Variants in STAT2 observed in about 807,000 individuals in gnomAD.
STAT2 encodes the protein signal transducer and activator of transcription 2, also known as interferon alpha induced transcriptional activator.
A neutral mutation model predicts 122.3 loss-of-function variants in STAT2; 51 were observed. That is an observed-to-expected ratio of 0.42 (90% CI 0.33 to 0.53). The LOEUF is 0.53. STAT2 is among the 20% of genes least tolerant of loss of function. The pLI is 0.10. For synonymous variants in STAT2, 351 were observed against 394.9 expected (o/e 0.89, Z 1.32); for missense variants, 736 against 1,010.3 (o/e 0.73, Z 3.68).
At chr12:56,343,656 A>G (rs1360201159) in intron 23 of STAT2, 125 bp from the exon 24 acceptor site, 2 of 1,520,176 alleles carry the variant, frequency 1.3e-6, no homozygotes, top group Non-Finnish European at 1.8e-6. Flanking sequence ...TGTGGGATGA[A>G]AGAGCAGGGA....
intron 10 of STAT2, 24 bp downstream of exon 10, chr12:56,351,074 G>A (rs764207224): frequency 9.9e-6 from 16 of 1,609,378 alleles, no homozygotes; most frequent in Non-Finnish European, 1.1e-5. Context: ...AAAAGGAAGT[G>A]GGAATGAGTT....
chr12:56,342,070 A>T lies in STAT2; in HGVS notation c.*1319T>A, dbSNP rs1046178764. The stretch of plus-strand genomic sequence containing the variant: ...CCAGCACTCTGGGAGGCCGAGGTGG[A>T]CAGATCACTTGAGGTCAGGAGTTCG... On this transcript the variant is annotated 3_prime_UTR_variant, in exon 24 of 24. Transcript: ENST00000314128. The T allele has an allele frequency of 6.7e-6, 1 of 149,602 alleles. No individual in the cohort carries two copies. The highest frequency in any genetic ancestry group is 1.5e-5 in the Non-Finnish European group (1 of 67,338). The allele number at this position is 149,602 out of a possible 1,614,324, so 9.3% of individuals were successfully genotyped here. A position where few individuals can be genotyped will look rare whatever the true frequency, so the allele number is the denominator to read the frequency against.
intron 23 of STAT2, 35 bp from the exon 24 acceptor site, chr12:56,343,566 C>T (rs761082149): frequency 6.2e-7 from 1 of 1,603,804 alleles, no homozygotes; most frequent in Non-Finnish European, 8.5e-7. Flanking sequence ...AGGCCCCGAT[C>T]TTAGTTAGGA....
chr12:56,356,605 A>G (rs368506303), intron 1 of STAT2, 27 bp from the exon 2 acceptor site: 151 of 1,611,102 alleles, frequency 9.4e-5, no homozygotes, highest in Middle Eastern at 1.6e-4. Flanking sequence ...AGGGTTCCCA[A>G]TTGGATATTT....
chr12:56,353,266 G>T (rs1482479754), intron 8 of STAT2, among the ~76,000 whole-genome samples: 1 of 152,174 alleles, frequency 6.6e-6, no homozygotes, highest in Non-Finnish European at 1.5e-5. Flanking sequence ...ACATGTGTGA[G>T]CCACTGTGTC....
chr12:56,350,065 T>C (rs767751995), intron 13 of STAT2, 32 bp downstream of exon 13: 14 of 1,554,496 alleles, frequency 9.0e-6, no homozygotes, highest in Middle Eastern at 1.7e-4. Flanking sequence ...ATAAAAATAG[T>C]AATAAAAGCA....
intron 4 of STAT2, 51 bp from the exon 5 acceptor site, chr12:56,355,583 A>C: frequency 6.2e-7 from 1 of 1,609,602 alleles, no homozygotes; most frequent in Non-Finnish European, 8.5e-7. Context: ...TCATGCCTTA[A>C]GTTCAGGCCT....
At chr12:56,348,683 G>A (rs1695717255) in intron 18 of STAT2, 60 bp from the exon 19 acceptor site, 1 of 1,614,098 alleles carries the variant, frequency 6.2e-7, no homozygotes, top group Non-Finnish European at 8.5e-7. Flanking sequence ...TAGGGAAGGA[G>A]GGACGTGGGA....
chr12:56,356,631 T>C lies in STAT2; in HGVS notation c.-7-53A>G. ...TTGGATATTTTGCTGGACTAAATCA[T>C]CCATAGTTTCATGATTGTTCATTAT... On this transcript the variant is annotated intron_variant, in intron 1 of 23. Coordinates refer to ENST00000314128, the MANE Select transcript of STAT2 (RefSeq NM_005419.4). 3.8e-6 allele frequency: 6 copies of C among 1,594,606 alleles called. No individual in the cohort carries two copies. In the South Asian group the frequency reaches 6.8e-5, roughly 18 times the overall value.
At chr12:56,354,379 G>C in intron 8 of STAT2, 87 bp downstream of exon 8, 1 of 1,582,484 alleles carries the variant, frequency 6.3e-7, no homozygotes, top group Non-Finnish European at 8.6e-7. Flanking sequence ...GACAAATAGA[G>C]AACAGTATCT....
Position 56,348,555 on chromosome 12 carries a change from G to A in STAT2, c.1698C>T (p.Asp566=). 6.2e-7 allele frequency: 1 copy of A among 1,614,184 alleles called. No individual in the cohort carries two copies. Among genetic ancestry groups the A allele is most frequent in the Non-Finnish European group, 8.5e-7 (1 of 1,180,044 alleles). The stretch of plus-strand genomic sequence containing the variant: ...CATCATTCCAGAGATCCTTCAGGTG[G>A]TCATGTACCAACTCCAGAATTTTGT... ...WLDKILELVH[D]HLKDLWNDGR... is the part of the protein sequence containing the mutation. The change falls in exon 19 of 24, where the codon GAC becomes GAT. Residue 566 remains aspartate, a synonymous_variant. Coordinates refer to ENST00000314128, the MANE Select transcript of STAT2 (RefSeq NM_005419.4).
In STAT2 at chr12:56,346,482, G is replaced by T; in HGVS notation, c.2004C>A (p.Ile668=). 3.1e-6 allele frequency: 5 copies of T among 1,614,220 alleles called. No homozygotes were observed. The South Asian group carries it at 3.3e-5, about 11-fold the overall frequency. The change falls in exon 21 of 24, where the codon ATC becomes ATA. Residue 668 remains isoleucine, a synonymous_variant. Coordinates refer to ENST00000314128, the MANE Select transcript of STAT2 (RefSeq NM_005419.4). ...ENPLRFLYPR[I]PRDEAFGCYY... ...AGCACCCAAAAGCTTCATCCCGGGG[G>T]ATTCGGGGATAGAGGAAGCGCAGTG...
chr12:56,357,547 G>C (rs961590371), intron 1 of STAT2, among the ~76,000 whole-genome samples: 1 of 151,390 alleles, frequency 6.6e-6, no homozygotes, highest in African/African-American at 2.4e-5. Context: ...GGGTTTCACC[G>C]TGTTAGCCAG....
At chr12:56,354,329 C>T in intron 8 of STAT2, 137 bp downstream of exon 8, 1 of 1,359,010 alleles carries the variant, frequency 7.4e-7, no homozygotes, top group Non-Finnish European at 1.0e-6. Flanking sequence ...CAGAATAGAG[C>T]TGCAGTCAGC....
chr12:56,354,796 T>C lies in STAT2; in HGVS notation c.615A>G (p.Glu205=). 6.2e-7 allele frequency: 1 copy of C among 1,614,180 alleles called. No individual in the cohort carries two copies. The highest frequency in any genetic ancestry group is 8.5e-7 in the Non-Finnish European group (1 of 1,180,028). The change falls in exon 7 of 24, where the codon GAA becomes GAG. Residue 205 remains glutamate (E), a synonymous_variant. Coordinates refer to ENST00000314128, the MANE Select transcript of STAT2 (RefSeq NM_005419.4). ...CTCCCACCTTTCTCCTTTTGTCCAGTTCATTGAGAGTTTCCTGCAGAATCT... is the reference window on the plus strand; with the variant it reads ...CTCCCACCTTTCTCCTTTTGTCCAGCTCATTGAGAGTTTCCTGCAGAATCT... The part of the protein sequence containing the change: ...EQKILQETLN[E]LDKRRKEVLD...
Position 56,342,272 on chromosome 12 carries a change from GACA to G in STAT2, c.*1114_*1116del, listed in dbSNP as rs1298718000. The G allele has an allele frequency of 1.5e-5, 2 of 137,068 alleles. No individual in the cohort carries two copies. Among genetic ancestry groups the G allele is most frequent in the Non-Finnish European group, 3.0e-5 (2 of 65,658 alleles). The allele number at this position is 137,068 out of a possible 1,614,324, so 8.5% of individuals were successfully genotyped here. A position where few individuals can be genotyped will look rare whatever the true frequency, so the allele number is the denominator to read the frequency against. Reference sequence around the variant, plus strand: ...GATCACACCATTGCACTCCAGCCTGGACAACAAGAGAGAAACTCCATCTCAAAA... The same window carrying G: ...GATCACACCATTGCACTCCAGCCTGGACAAGAGAGAAACTCCATCTCAAAA... On this transcript the variant is annotated 3_prime_UTR_variant, in exon 24 of 24. Transcript: ENST00000314128.
At chr12:56,350,497 T>A in intron 11 of STAT2, 65 bp from the exon 12 acceptor site, 2 of 1,490,468 alleles carry the variant, frequency 1.3e-6, no homozygotes, top group Admixed American at 4.3e-5. Context: ...AGTTTCGTCT[T>A]TGGGATCAGA....
chr12:56,349,697 CCT>C (rs774478737), intron 13 of STAT2, 61 bp from the exon 14 acceptor site: 15 of 1,610,640 alleles, frequency 9.3e-6, no homozygotes, highest in Admixed American at 1.7e-5. Flanking sequence ...CCCTGGAACC[CCT>C]GTTTGGCTTC....
At chr12:56,354,012 A>ATATGTGT (rs1363190581) in intron 8 of STAT2, among the ~76,000 whole-genome samples, 6 of 20,136 alleles carry the variant, frequency 3.0e-4, no homozygotes, top group Admixed American at 1.3e-3. Flanking sequence ...AAAAAAAAAA[A>ATATGTGT]AAAAATATAT....
Sources: allele counts gnomAD v4.1 joint callset (sites outside exome capture counted in the v4.1 genomes callset), GRCh38; gene constraint gnomAD v4.1.1; transcripts MANE v1.5; gene names NCBI Gene and HGNC (gene_info 2026-07-23, HGNC 2026-07-21).